KDM5B: variants seen among roughly 807,000 people sequenced by gnomAD.
KDM5B encodes the protein lysine-specific demethylase 5B.
In KDM5B, 144 loss-of-function variants were observed where a neutral mutation model predicts 193.4. The ratio of observed to expected loss-of-function variants is 0.74; its 90% confidence interval spans 0.65 to 0.86. The LOEUF (loss-of-function observed/expected upper bound fraction) is 0.86, where lower values mean the gene tolerates loss of function less well. KDM5B is among the 40% of genes least tolerant of loss of function. KDM5B has a pLI of 0.00. For missense variants in KDM5B, 1,833 were observed against 1,886.9 expected, an observed-to-expected ratio of 0.97 and a Z score of 0.53; for synonymous variants, 668 against 682.6, an observed-to-expected ratio of 0.98 and a Z score of 0.33.
intron 2 of KDM5B, 124 bp downstream of exon 2, chr1:202,776,893 G>T: frequency 1.4e-6 from 1 of 719,624 alleles, no homozygotes. Context: ...GTTCTTATTT[G>T]CTCAAATACA....
intron 1 of KDM5B, among the ~76,000 whole-genome samples, chr1:202,804,255 T>A (rs78690047): frequency 1.5e-4 from 3 of 19,980 alleles, no homozygotes; most frequent in Non-Finnish European, 9.3e-4. Context: ...AATAAAAGGG[T>A]TTTTTTTTTA....
At position 202,740,757 on chromosome 1, in the gene KDM5B, G is replaced by A; in HGVS notation, c.3001C>T (p.Pro1001Ser). Residue 1001 changes from proline (P) to serine (S), a missense_variant, in exon 20 of 27, where the codon CCT (proline) becomes TCT (serine). Coordinates refer to ENST00000367265, the MANE Select transcript of KDM5B (RefSeq NM_006618.5). ...ATAVKEIEEI[P>S]AYLPNGAALK... The stretch of plus-strand genomic sequence containing the variant: ...GCCGCACCATTGGGCAGATATGCAG[G>A]GATCTCTTCGATTTCCTTTACTGCC... The A allele has an allele frequency of 3.7e-6, 6 of 1,612,908 alleles. No homozygotes were observed. Among genetic ancestry groups the A allele is most frequent in the Non-Finnish European group, 5.1e-6 (6 of 1,179,908 alleles).
In KDM5B at chr1:202,767,028, A is replaced by C; in HGVS notation, c.609T>G (p.Thr203=). ...CATGGGGTTTGTACTCCTTGTCCTT[A>C]GTGTCTGTGGTCAGGTTTGGCTTCT... ...CLQKPNLTTD[T]KDKEYKPHDI... Residue 203 remains threonine, a synonymous_variant, in exon 5 of 27, where the codon ACT becomes ACG. Transcript: ENST00000367265. 1 of 1,608,854 alleles carries C rather than the reference A, an allele frequency of 6.2e-7. No homozygotes were observed. Among genetic ancestry groups the C allele is most frequent in the South Asian group, 1.1e-5 (1 of 90,014 alleles).
intron 4 of KDM5B, 39 bp from the exon 5 acceptor site, chr1:202,767,099 T>G (rs760699827): frequency 1.2e-6 from 2 of 1,603,666 alleles, no homozygotes; most frequent in South Asian, 2.3e-5. Context: ...CCCTCCTTTT[T>G]TTTTTCACAT....
At chr1:202,774,239 A>C (rs1421679476) in intron 3 of KDM5B, among the ~76,000 whole-genome samples, 1 of 152,096 alleles carries the variant, frequency 6.6e-6, no homozygotes, top group Non-Finnish European at 1.5e-5. Flanking sequence ...CTCAAAAAGT[A>C]AGTTTATTTG....
chr1:202,757,101 G>T (rs1376692207), intron 9 of KDM5B, among the ~76,000 whole-genome samples: 2 of 152,078 alleles, frequency 1.3e-5, no homozygotes, highest in African/African-American at 4.8e-5. Flanking sequence ...GGAGGTGGGG[G>T]GGGGATTAGA....
chr1:202,728,782 AAAC>A lies in KDM5B; in HGVS notation c.*251_*253del. ...AAATTGGTGGGAACCCCTGCAAAAA[AAAC>A]AGTCAGCTTTTCAAACCTCAACAAC... On this transcript the variant is annotated 3_prime_UTR_variant, in exon 27 of 27. Transcript: ENST00000367265. 2 of 386,596 alleles carry A rather than the reference AAAC, an allele frequency of 5.2e-6. No individual in the cohort carries two copies. Among genetic ancestry groups the A allele is most frequent in the Non-Finnish European group, 4.7e-6 (1 of 213,072 alleles). 23.9% of individuals were successfully genotyped at this position (386,596 alleles called of 1,614,324 possible).
At chr1:202,799,759 T>C in intron 1 of KDM5B, among the ~76,000 whole-genome samples, 1 of 151,810 alleles carries the variant, frequency 6.6e-6, no homozygotes, top group Non-Finnish European at 1.5e-5. Context: ...CCCTGCAAAA[T>C]AATAGTTAAA....
chr1:202,779,803 A>AT (rs1385725169), intron 1 of KDM5B, among the ~76,000 whole-genome samples: 2 of 100,776 alleles, frequency 2.0e-5, no homozygotes, highest in African/African-American at 6.5e-5. Flanking sequence ...ACTCCGTCTC[A>AT]AAAATAAATA....
At chr1:202,799,684 AAG>A (rs1657997399) in intron 1 of KDM5B, among the ~76,000 whole-genome samples, 1 of 152,182 alleles carries the variant, frequency 6.6e-6, no homozygotes, top group African/African-American at 2.4e-5. Context: ...ATTTTTAAAA[AAG>A]AAAAAAACGT....
At chr1:202,807,657 C>A (rs1168358434) in intron 1 of KDM5B, among the ~76,000 whole-genome samples, 2 of 148,036 alleles carry the variant, frequency 1.4e-5, no homozygotes, top group East Asian at 4.1e-4. Context: ...ACCCCCACCC[C>A]ACCCCATCAC....
In KDM5B at chr1:202,725,969, G is replaced by A. The variant is rs1000271395; in HGVS notation, c.*3067C>T. On this transcript the variant is annotated 3_prime_UTR_variant, in exon 27 of 27. Transcript: ENST00000367265. Reference sequence around the variant, plus strand: ...TAACAGACTGCCAAATATCCATCAAGATTTTTTAAGTGAAATACAAAGAGG... The same window carrying A: ...TAACAGACTGCCAAATATCCATCAAAATTTTTTAAGTGAAATACAAAGAGG... 6.6e-6 allele frequency: 1 copy of A among 152,190 alleles called. No individual in the cohort carries two copies. The highest frequency in any genetic ancestry group is 2.4e-5 in the African/African-American group (1 of 41,438). 9.4% of individuals were successfully genotyped at this position (152,190 alleles called of 1,614,324 possible). A position where few individuals can be genotyped will look rare whatever the true frequency, so the allele number is the denominator to read the frequency against.
chr1:202,735,662 A>G, intron 21 of KDM5B, 75 bp from the exon 22 acceptor site: 1 of 1,367,686 alleles, frequency 7.3e-7, no homozygotes, highest in Admixed American at 1.9e-5. Flanking sequence ...CCCAAAATAA[A>G]AGCCTAAGCA....
chr1:202,753,206 T>C (rs900527373), intron 11 of KDM5B, 139 bp from the exon 12 acceptor site: 2 of 730,300 alleles, frequency 2.7e-6, no homozygotes, highest in South Asian at 1.9e-5. Flanking sequence ...TCATTAGAAA[T>C]GTGAATGTGA....
Position 202,741,695 on chromosome 1 carries a change from G to A in KDM5B, c.2617C>T (p.Gln873Ter). ...GAGAGTAGTTTCTGACTATGCTGTT[G>A]AAAATCTTCTACACGATTCAAGAGA... ...KDLLNRVEDF[Q>*]QHSQKLLSEE... is the part of the protein sequence containing the mutation. The change falls in exon 19 of 27, where the codon CAA (glutamine) becomes TAA (stop). Residue 873 changes from glutamine to a stop codon, truncating the protein, a stop_gained. Coordinates refer to ENST00000367265, the MANE Select transcript of KDM5B (RefSeq NM_006618.5). LOFTEE classifies it high-confidence loss of function. 6.2e-7 allele frequency: 1 copy of A among 1,611,236 alleles called. No homozygotes were observed. Among genetic ancestry groups the A allele is most frequent in the Non-Finnish European group, 8.5e-7 (1 of 1,178,608 alleles).
In KDM5B at chr1:202,764,037, A is replaced by C; in HGVS notation, c.808+12T>G. 1 of 1,437,396 alleles carries C rather than the reference A, an allele frequency of 7.0e-7. No homozygotes were observed. Among genetic ancestry groups the C allele is most frequent in the Non-Finnish European group, 9.6e-7 (1 of 1,036,578 alleles). The allele number at this position is 1,437,396 out of a possible 1,614,324, so 89.0% of individuals were successfully genotyped here. Reference sequence around the variant, plus strand: ...TACTTTTTCTTTCCTATTCATTGACAAATTTTCTTACCATTTTCACATTTT... The same window carrying C: ...TACTTTTTCTTTCCTATTCATTGACCAATTTTCTTACCATTTTCACATTTT... On this transcript the variant is annotated intron_variant, in intron 6 of 26. Coordinates refer to ENST00000367265, the MANE Select transcript of KDM5B (RefSeq NM_006618.5).
chr1:202,762,283 C>G lies in KDM5B; in HGVS notation c.918+416G>C, dbSNP rs550091934. Among the ~76,000 whole-genome samples the G allele has an allele frequency of 3.8e-4, 57 of 151,594 alleles. No homozygotes were observed. In the South Asian group the frequency reaches 9.0e-3, roughly 24 times the overall value. On this transcript the variant is annotated intron_variant, in intron 7 of 26. Transcript: ENST00000367265. ...TCTTCCTTTCTCTTTTTTGTTCCTT[C>G]TTTTCATTTCCTTCCTTCCCTTTGC...
At chr1:202,785,500 T>C (rs1341406772) in intron 1 of KDM5B, among the ~76,000 whole-genome samples, 3 of 152,210 alleles carry the variant, frequency 2.0e-5, no homozygotes, top group Admixed American at 6.5e-5. Context: ...GGCTTTGTAC[T>C]AGGTTAAGTT....
chr1:202,782,293 T>C (rs988083781), intron 1 of KDM5B, among the ~76,000 whole-genome samples: 1 of 152,202 alleles, frequency 6.6e-6, no homozygotes, highest in Non-Finnish European at 1.5e-5. Context: ...TAAATTTATT[T>C]GTAATGTTCA....
Sources: allele counts gnomAD v4.1 joint callset (sites outside exome capture counted in the v4.1 genomes callset), GRCh38; gene constraint gnomAD v4.1.1; transcripts MANE v1.5; gene names NCBI Gene and HGNC (gene_info 2026-07-23, HGNC 2026-07-21).